PATJ: variants seen among roughly 807,000 people sequenced by gnomAD.
The protein encoded by PATJ is inaD-like protein.
In PATJ, 190 loss-of-function variants were observed where a neutral mutation model predicts 224.9. That is an observed-to-expected ratio of 0.84 (90% CI 0.75 to 0.95). The LOEUF is 0.95. Ranked by LOEUF, PATJ falls within the 40% of genes least tolerant of loss-of-function variation. PATJ has a pLI of 0.00. For missense variants in PATJ, 2,121 were observed against 2,270.3 expected (o/e 0.93, Z 1.34); for synonymous variants, 769 against 820.3 (o/e 0.94, Z 1.07).
chr1:61,747,690 A>C (rs1425158599), intron 1 of PATJ, among the ~76,000 whole-genome samples: 1 of 152,204 alleles, frequency 6.6e-6, no homozygotes, highest in Non-Finnish European at 1.5e-5. Context: ...TATGAGCTGA[A>C]CTGATGAAGT....
In PATJ at chr1:61,901,236, G is replaced by A. The variant is rs762696609; in HGVS notation, c.3204-46G>A. ...CAAATGGAATACTTACAGTCCAACA[G>A]ATTAAACTTGTTGATGAGTGAGTTT... On this transcript the variant is annotated intron_variant, in intron 23 of 43. Coordinates refer to ENST00000642238, the MANE Select transcript of PATJ (RefSeq NM_001350145.3). The A allele has an allele frequency of 1.8e-5, 23 of 1,273,846 alleles. No homozygotes were observed. In the South Asian group the frequency reaches 2.7e-4, roughly 15 times the overall value. The allele number at this position is 1,273,846 out of a possible 1,614,324, so 78.9% of individuals were successfully genotyped here. A position where few individuals can be genotyped will look rare whatever the true frequency, so the allele number is the denominator to read the frequency against.
chr1:61,763,496 C>T (rs1191743882), intron 3 of PATJ, among the ~76,000 whole-genome samples: 2 of 148,504 alleles, frequency 1.3e-5, no homozygotes, highest in African/African-American at 2.5e-5. Flanking sequence ...CATGCCACTG[C>T]ACTCCAGCCT....
intron 33 of PATJ, among the ~76,000 whole-genome samples, chr1:62,089,072 CTT>C (rs1267367875): frequency 5.3e-5 from 8 of 151,952 alleles, no homozygotes; most frequent in Admixed American, 1.3e-4. Context: ...AAATAAAAGT[CTT>C]TTTACATTGC....
At chr1:62,067,768 G>T (rs1656725234) in intron 31 of PATJ, among the ~76,000 whole-genome samples, 1 of 152,176 alleles carries the variant, frequency 6.6e-6, no homozygotes, top group African/African-American at 2.4e-5. Context: ...TTTAAGAATT[G>T]TTAAATTTGA....
chr1:62,089,825 A>G (rs887938274), intron 33 of PATJ, among the ~76,000 whole-genome samples: 1 of 152,210 alleles, frequency 6.6e-6, no homozygotes, highest in Non-Finnish European at 1.5e-5. Flanking sequence ...GGTGGAAAAC[A>G]TTGAGACTCA....
chr1:61,803,877 A>C (rs1423928031), intron 12 of PATJ, among the ~76,000 whole-genome samples: 2 of 151,970 alleles, frequency 1.3e-5, no homozygotes, highest in Admixed American at 6.6e-5. Flanking sequence ...TTTTTTGATC[A>C]TTTTGTGTAG....
At chr1:61,763,275 T>A in intron 3 of PATJ, 96 bp downstream of exon 3, 1 of 682,962 alleles carries the variant, frequency 1.5e-6, no homozygotes, top group Non-Finnish European at 2.2e-6. Flanking sequence ...CAAATTATCT[T>A]TAAGGACTCA....
At chr1:61,794,538 C>G (rs1455300449) in intron 9 of PATJ, among the ~76,000 whole-genome samples, 1 of 152,058 alleles carries the variant, frequency 6.6e-6, no homozygotes, top group Non-Finnish European at 1.5e-5. Flanking sequence ...CTGTCCCTTC[C>G]CATGGGAAGG....
chr1:61,950,005 G>C (rs1333725855), intron 27 of PATJ, among the ~76,000 whole-genome samples: 1 of 152,150 alleles, frequency 6.6e-6, no homozygotes, highest in Non-Finnish European at 1.5e-5. Context: ...TTCGAAACCA[G>C]CCTGACTGAC....
chr1:62,002,239 T>G (rs1193774266), intron 28 of PATJ, among the ~76,000 whole-genome samples: 1 of 152,134 alleles, frequency 6.6e-6, no homozygotes, highest in African/African-American at 2.4e-5. Flanking sequence ...TCACTGAGTT[T>G]GTGAGTCTCA....
At chr1:61,906,983 A>AT (rs1341303227) in intron 24 of PATJ, among the ~76,000 whole-genome samples, 2 of 152,152 alleles carry the variant, frequency 1.3e-5, no homozygotes, top group Non-Finnish European at 2.9e-5. Context: ...AGGTAATTGA[A>AT]TCATGGGGGT....
At chr1:62,092,738 A>AT (rs1660921920) in intron 33 of PATJ, among the ~76,000 whole-genome samples, 1 of 151,344 alleles carries the variant, frequency 6.6e-6, no homozygotes, top group African/African-American at 2.4e-5. Context: ...TTATTTATTT[A>AT]TTTATTTATT....
At chr1:61,871,070 GTTTTTTTTGTTTTTT>G (rs1666268999) in intron 20 of PATJ, among the ~76,000 whole-genome samples, 1 of 78,098 alleles carries the variant, frequency 1.3e-5, no homozygotes, top group South Asian at 4.1e-4. Flanking sequence ...TTTGGTTTTT[GTTTTTTTTGTTTTTT>G]TTTTTTTGCC....
chr1:61,890,585 C>G (rs367645120), intron 22 of PATJ, among the ~76,000 whole-genome samples: 1 of 152,200 alleles, frequency 6.6e-6, no homozygotes, highest in African/African-American at 2.4e-5. Flanking sequence ...CAGCCTTGAC[C>G]TCCCAGGTTC....
chr1:61,809,789 T>C (rs565034428), intron 14 of PATJ, among the ~76,000 whole-genome samples: 3 of 152,286 alleles, frequency 2.0e-5, no homozygotes, highest in African/African-American at 7.2e-5. Flanking sequence ...AATCAATATT[T>C]ATCTTCCATG....
rs7520269 is a variant in PATJ at position 62,145,819 on chromosome 1, A to T, written c.5272-2465A>T. ...AAAAATACAAAAAAATTAGCCAGGC[A>T]TGGTGGCATGCGCCTGTAATCCCAG... On this transcript the variant is annotated intron_variant, in intron 41 of 43. Transcript: ENST00000642238. Among the ~76,000 whole-genome samples, 889 of 151,674 alleles carry T rather than the reference A, an allele frequency of 5.9e-3. 3 individuals carry two copies. The highest frequency in any genetic ancestry group is 0.021 in the Middle Eastern group (6 of 292).
intron 33 of PATJ, among the ~76,000 whole-genome samples, chr1:62,100,119 C>A (rs1243479715): frequency 6.6e-6 from 1 of 151,908 alleles, no homozygotes; most frequent in African/African-American, 2.4e-5. Flanking sequence ...ATACTTGGTT[C>A]TCTTAAATTG....
chr1:61,745,757 C>A (rs1394976121), intron 1 of PATJ, among the ~76,000 whole-genome samples: 1 of 151,110 alleles, frequency 6.6e-6, no homozygotes, highest in African/African-American at 2.4e-5. Context: ...GCGCCTGCCA[C>A]CACACCTGTC....
intron 14 of PATJ, among the ~76,000 whole-genome samples, chr1:61,814,654 G>T (rs1278463035): frequency 6.6e-6 from 1 of 151,918 alleles, no homozygotes; most frequent in Non-Finnish European, 1.5e-5. Context: ...CTTATTAAAT[G>T]TCCATAGAAT....
Sources: gnomAD v4.1 joint callset for allele counts (sites outside exome capture counted in the v4.1 genomes callset) on GRCh38, gnomAD v4.1.1 for gene constraint, MANE v1.5 for transcripts, NCBI Gene and HGNC (gene_info 2026-07-23, HGNC 2026-07-21) for gene names.